Variants in KCNH7 observed in about 807,000 individuals in gnomAD.
KCNH7 encodes the protein voltage-gated inwardly rectifying potassium channel KCNH7.
Under a neutral mutation model 120.8 loss-of-function variants are expected in KCNH7, and 49 were observed. The observed-to-expected ratio is 0.41, with a 90% CI of 0.32 to 0.51. The LOEUF (loss-of-function observed/expected upper bound fraction) is 0.51, where lower values mean the gene tolerates loss of function less well. Ranked by LOEUF, KCNH7 falls within the 20% of genes least tolerant of loss-of-function variation. The pLI, the probability that KCNH7 is intolerant of heterozygous loss-of-function variation, is 0.38. For missense variants in KCNH7, 1,097 were observed against 1,446.6 expected (o/e 0.76, Z 3.92); for synonymous variants, 547 against 516.1 (o/e 1.06, Z -0.81).
intron 2 of KCNH7, among the ~76,000 whole-genome samples, chr2:162,747,921 C>A (rs1043233335): frequency 2.0e-5 from 3 of 152,176 alleles, no homozygotes; most frequent in Middle Eastern, 3.2e-3. Context: ...TCACTACGAG[C>A]AAATACTTAT....
chr2:162,780,898 CTG>C (rs1683456238), intron 2 of KCNH7, among the ~76,000 whole-genome samples: 1 of 152,036 alleles, frequency 6.6e-6, no homozygotes. Context: ...CATAAAAAGA[CTG>C]TAATAAACTG....
chr2:162,394,005 A>G (rs1382434501), intron 12 of KCNH7, among the ~76,000 whole-genome samples: 2 of 152,006 alleles, frequency 1.3e-5, no homozygotes, highest in African/African-American at 4.8e-5. Context: ...GATGAGAAGG[A>G]CTAACAAATG....
intron 2 of KCNH7, among the ~76,000 whole-genome samples, chr2:162,713,709 G>C (rs545033209): frequency 6.6e-6 from 1 of 152,012 alleles, no homozygotes; most frequent in Non-Finnish European, 1.5e-5. Context: ...CACACATATA[G>C]AGTAATGTAG....
At chr2:162,399,181 A>T (rs1444571079) in intron 10 of KCNH7, among the ~76,000 whole-genome samples, 1 of 151,826 alleles carries the variant, frequency 6.6e-6, no homozygotes. Context: ...AACTAAGGAT[A>T]GGCGTTATCA....
At chr2:162,496,105 C>A (rs770345866) in intron 6 of KCNH7, among the ~76,000 whole-genome samples, 3 of 152,132 alleles carry the variant, frequency 2.0e-5, no homozygotes, top group Non-Finnish European at 4.4e-5. Context: ...CTTCCATGGA[C>A]CCTTAAACAG....
At chr2:162,784,142 C>T (rs1395417003) in intron 2 of KCNH7, among the ~76,000 whole-genome samples, 1 of 151,876 alleles carries the variant, frequency 6.6e-6, no homozygotes, top group Non-Finnish European at 1.5e-5. Flanking sequence ...TGTAGAAGAG[C>T]AGTGGAAGTC....
intron 6 of KCNH7, among the ~76,000 whole-genome samples, chr2:162,487,079 T>A (rs965056031): frequency 6.6e-6 from 1 of 152,186 alleles, no homozygotes; most frequent in African/African-American, 2.4e-5. Flanking sequence ...TCATTCAATA[T>A]GACAGTAGCT....
At chr2:162,607,108 G>A (rs1033157550) in intron 2 of KCNH7, among the ~76,000 whole-genome samples, 2 of 151,798 alleles carry the variant, frequency 1.3e-5, no homozygotes, top group Non-Finnish European at 2.9e-5. Context: ...CAGGTGCAGT[G>A]GCTCATGTCT....
intron 2 of KCNH7, among the ~76,000 whole-genome samples, chr2:162,684,228 C>A (rs1456573262): frequency 6.6e-6 from 1 of 152,072 alleles, no homozygotes. Context: ...AAACTTAAGA[C>A]CTAAAACCAT....
At chr2:162,698,092 G>A (rs1686356832) in intron 2 of KCNH7, among the ~76,000 whole-genome samples, 1 of 152,068 alleles carries the variant, frequency 6.6e-6, no homozygotes. Context: ...ATAGACTCTA[G>A]TTCATCTTTT....
chr2:162,598,608 C>T (rs1694453176), intron 2 of KCNH7, among the ~76,000 whole-genome samples: 1 of 152,110 alleles, frequency 6.6e-6, no homozygotes, highest in African/African-American at 2.4e-5. Context: ...AAAAATGTTA[C>T]TGCACACTGC....
intron 2 of KCNH7, among the ~76,000 whole-genome samples, chr2:162,629,377 T>C (rs1000847932): frequency 6.6e-6 from 1 of 152,038 alleles, no homozygotes; most frequent in African/African-American, 2.4e-5. Context: ...GAAATGTAAA[T>C]GTAGGGCCTG....
chr2:162,795,968 G>C (rs1316951144), intron 2 of KCNH7: 1 of 152,052 alleles, frequency 6.6e-6, no homozygotes, highest in African/African-American at 2.4e-5. Context: ...CACAGTATAA[G>C]ATGTCACCTT....
intron 6 of KCNH7, among the ~76,000 whole-genome samples, chr2:162,465,157 C>G (rs1392865921): frequency 1.3e-5 from 2 of 152,066 alleles, no homozygotes; most frequent in Non-Finnish European, 2.9e-5. Context: ...TTATCTGTGT[C>G]ACCAGGAAGC....
chr2:162,420,306 G>A (rs1687661591), intron 9 of KCNH7, among the ~76,000 whole-genome samples: 1 of 152,144 alleles, frequency 6.6e-6, no homozygotes, highest in African/African-American at 2.4e-5. Flanking sequence ...AACCCAGGAG[G>A]TGGAGGTTGC....
At chr2:162,602,508 C>A (rs1694592091) in intron 2 of KCNH7, among the ~76,000 whole-genome samples, 1 of 152,094 alleles carries the variant, frequency 6.6e-6, no homozygotes. Context: ...TGAGCCACCT[C>A]TCTGTTCCTA....
At chr2:162,775,846 T>C (rs1683215264) in intron 2 of KCNH7, among the ~76,000 whole-genome samples, 1 of 152,210 alleles carries the variant, frequency 6.6e-6, no homozygotes, top group Non-Finnish European at 1.5e-5. Flanking sequence ...GGATTCAGCA[T>C]ACAGATCAAC....
rs553961409 is a variant in KCNH7 at position 162,773,365 on chromosome 2, G to T, written c.307+63172C>A. ...TAGCTGGGCATGGTGGCATGCACCT[G>T]CAGTCCTAACTACTTGGGAGGCTGA... On this transcript the variant is annotated intron_variant, in intron 2 of 15. Coordinates refer to ENST00000332142, the MANE Select transcript of KCNH7 (RefSeq NM_033272.4). 8.8e-4 allele frequency among the ~76,000 whole-genome samples: 134 copies of T among 152,220 alleles called. 2 individuals carry two copies. Among genetic ancestry groups the T allele is most frequent in the Middle Eastern group, 3.4e-3 (1 of 294 alleles).
chr2:162,440,223 G>A (rs1394751367), intron 7 of KCNH7, among the ~76,000 whole-genome samples: 1 of 151,754 alleles, frequency 6.6e-6, no homozygotes, highest in Non-Finnish European at 1.5e-5. Flanking sequence ...ATAAATAAGT[G>A]ATACAATTAT....
Sources: allele counts gnomAD v4.1 joint callset (sites outside exome capture counted in the v4.1 genomes callset), GRCh38; gene constraint gnomAD v4.1.1; transcripts MANE v1.5; gene names NCBI Gene and HGNC (gene_info 2026-07-23, HGNC 2026-07-21).